Variants in ZNF536 observed in about 807,000 individuals in gnomAD.
ZNF536 encodes the protein zinc finger protein 536.
A neutral mutation model predicts 84.5 loss-of-function variants in ZNF536; 13 were observed. The observed-to-expected ratio is 0.15, with a 90% CI of 0.10 to 0.24. The LOEUF is 0.24. Ranked by LOEUF, ZNF536 falls within the 10% of genes least tolerant of loss-of-function variation. The probability of loss-of-function intolerance (pLI) is 1.00; values close to 1 mark genes in which losing one functional copy is unlikely to be tolerated. For missense variants in ZNF536, 1,536 were observed against 1,747.5 expected (o/e 0.88, Z 2.16); for synonymous variants, 811 against 742.5 (o/e 1.09, Z -1.50).
At chr19:30,655,577 AGACATGG>A (rs2049878211) in intron 1 of ZNF536, among the ~76,000 whole-genome samples, 1 of 152,180 alleles carries the variant, frequency 6.6e-6, no homozygotes, top group Admixed American at 6.5e-5. Flanking sequence ...TTGCTACCCA[AGACATGG>A]GTGGGAAGGG....
intron 1 of ZNF536, among the ~76,000 whole-genome samples, chr19:30,572,720 A>G (rs2046594589): frequency 6.6e-6 from 1 of 152,190 alleles, no homozygotes; most frequent in South Asian, 2.1e-4. Context: ...AGTTCGGCAT[A>G]GGATGAGTGA....
chr19:30,690,623 G>A (rs1454345637), intron 1 of ZNF536, among the ~76,000 whole-genome samples: 1 of 152,146 alleles, frequency 6.6e-6, no homozygotes, highest in African/African-American at 2.4e-5. Context: ...GGATCTTGGG[G>A]TTCTCTGGTG....
At chr19:30,698,332 C>G (rs1393557814) in intron 1 of ZNF536, among the ~76,000 whole-genome samples, 1 of 152,066 alleles carries the variant, frequency 6.6e-6, no homozygotes, top group East Asian at 1.9e-4. Context: ...ACAGAGAACT[C>G]TCATAGATTT....
rs2148241244 is a variant in ZNF536 at position 30,445,828 on chromosome 19, C to A, written c.2170+96C>A. On this transcript the variant is annotated intron_variant, in intron 2 of 4. Coordinates refer to ENST00000355537, the MANE Select transcript of ZNF536 (RefSeq NM_014717.3). The surrounding 1 kb of genome is among the most constrained non-coding windows in gnomAD (Gnocchi z 4.5). ...CCAGGCCTCCAGTCAGTTCCAAGGC[C>A]AGTGGGTCTTGATTGAGGACAGGGG... 1 of 1,465,082 alleles carries A rather than the reference C, an allele frequency of 6.8e-7. No homozygotes were observed. The highest frequency in any genetic ancestry group is 9.1e-7 in the Non-Finnish European group (1 of 1,103,486). The allele number at this position is 1,465,082 out of a possible 1,614,324, so 90.8% of individuals were successfully genotyped here.
intron 1 of ZNF536, among the ~76,000 whole-genome samples, chr19:30,409,440 T>A (rs1292973274): frequency 6.6e-6 from 1 of 152,152 alleles, no homozygotes; most frequent in Admixed American, 6.5e-5. Context: ...TCCTTCCGAA[T>A]CCCTGGCCCC....
chr19:30,510,038 G>T (rs927107834), intron 2 of ZNF536, among the ~76,000 whole-genome samples: 1 of 152,170 alleles, frequency 6.6e-6, no homozygotes, highest in African/African-American at 2.4e-5. Flanking sequence ...ATATTGTGGG[G>T]GGAAATTAGA....
rs2146193484 is a variant in ZNF536 at position 30,548,276 on chromosome 19, A to G, written c.2657A>G (p.Lys886Arg). 1.2e-6 allele frequency: 2 copies of G among 1,614,212 alleles called. No homozygotes were observed. The highest frequency in any genetic ancestry group is 1.7e-6 in the Non-Finnish European group (2 of 1,180,052). The change falls in exon 4 of 5, where the codon AAA (lysine) becomes AGA (arginine). Residue 886 changes from lysine (K) to arginine (R), a missense_variant. Transcript: ENST00000355537. ...TCGGAGGTCCCCTCAGATGCTCTGA[A>G]AGGCACTGACCTTCCTTCCAAAAGC... ...MSSEVPSDAL[K>R]GTDLPSKSTH...
intron 1 of ZNF536, among the ~76,000 whole-genome samples, chr19:30,658,695 T>C (rs2050009974): frequency 6.6e-6 from 1 of 152,212 alleles, no homozygotes; most frequent in Admixed American, 6.5e-5. Flanking sequence ...TTAAAAATTA[T>C]GTGTGTTTGA....
At chr19:30,511,779 G>A (rs899283774) in intron 2 of ZNF536, among the ~76,000 whole-genome samples, 1 of 152,144 alleles carries the variant, frequency 6.6e-6, no homozygotes, top group Non-Finnish European at 1.5e-5. Context: ...AGCTTACATG[G>A]GTGGGGTAAA....
rs199649865 is a variant in ZNF536 at position 30,535,019 on chromosome 19, C to G, written c.2323+20C>G. The G allele has an allele frequency of 2.5e-6, 4 of 1,601,140 alleles. No homozygotes were observed. Among genetic ancestry groups the G allele is most frequent in the Admixed American group, 1.7e-5 (1 of 58,770 alleles). ...ACACAGGTGAGAAGTCTGAGTGCAT[C>G]CAGGGGCACAGCCCAGAGAAGGAGG... On this transcript the variant is annotated intron_variant, in intron 3 of 4. Transcript: ENST00000355537.
chr19:30,462,250 G>A (rs1184171060), intron 2 of ZNF536, among the ~76,000 whole-genome samples: 1 of 152,146 alleles, frequency 6.6e-6, no homozygotes, highest in Non-Finnish European at 1.5e-5. Flanking sequence ...TGAGTCTGCT[G>A]TGATGGATGG....
At chr19:30,586,797 C>T (rs2047111579) in intron 1 of ZNF536, among the ~76,000 whole-genome samples, 1 of 152,166 alleles carries the variant, frequency 6.6e-6, no homozygotes, top group African/African-American at 2.4e-5. Flanking sequence ...CACTTGTCAA[C>T]ATTATGTAAT....
At chr19:30,315,835 T>A (rs556856925) in intron 2 of ZNF536, among the ~76,000 whole-genome samples, 43 of 152,292 alleles carry the variant, frequency 2.8e-4, no homozygotes, top group Admixed American at 1.8e-3. Context: ...TGCATATGTA[T>A]TTTACATAAA....
intron 1 of ZNF536, among the ~76,000 whole-genome samples, chr19:30,659,973 G>A (rs1387522909): frequency 6.6e-6 from 1 of 151,750 alleles, no homozygotes; most frequent in African/African-American, 2.4e-5. Flanking sequence ...GTGTGTGTGT[G>A]TGTGTGTGTT....
intron 1 of ZNF536, among the ~76,000 whole-genome samples, chr19:30,605,151 G>C (rs1415633868): frequency 9.2e-5 from 14 of 152,158 alleles, no homozygotes; most frequent in Admixed American, 9.2e-4. Context: ...AGGTAATAGT[G>C]GATGGTGCGA....
chr19:30,264,966 TGA>T lies in ZNF536; in HGVS notation c.-189-19091_-189-19090del, dbSNP rs142750589. 2.5e-4 allele frequency among the ~76,000 whole-genome samples: 33 copies of T among 133,854 alleles called. No homozygotes were observed. The South Asian group carries it at 2.9e-3, about 12-fold the overall frequency. 87.8% of individuals were successfully genotyped at this position (133,854 alleles called of 152,430 possible). A position where few individuals can be genotyped will look rare whatever the true frequency, so the allele number is the denominator to read the frequency against. ...GTGTGTGTGTGTGTGTGTGTGTGTG[TGA>T]GAGAGAGAGAGAGAAAGAGAGATTC... is the stretch of plus-strand genomic sequence containing the variant. On this transcript the variant is annotated intron_variant, in intron 1 of 5. Transcript: ENST00000585628.
downstream of ZNF536, among the ~76,000 whole-genome samples, chr19:30,561,470 T>A (rs10418991): frequency 2.6e-3 from 401 of 152,166 alleles, 1 homozygote; most frequent in African/African-American, 8.7e-3. Flanking sequence ...CCTAGTTGGG[T>A]CTCCCTAGAG....
At chr19:30,692,541 G>A (rs181559981) in intron 1 of ZNF536, among the ~76,000 whole-genome samples, 1 of 152,338 alleles carries the variant, frequency 6.6e-6, no homozygotes, top group African/African-American at 2.4e-5. Flanking sequence ...TTTAAGGGGG[G>A]AAATCTCAAA....
chr19:30,413,012 A>C (rs548635266), intron 1 of ZNF536, among the ~76,000 whole-genome samples: 2 of 150,012 alleles, frequency 1.3e-5, no homozygotes, highest in Non-Finnish European at 3.0e-5. Context: ...TAATGGTATA[A>C]AGTTGTTCTG....
Sources: allele counts gnomAD v4.1 joint callset (sites outside exome capture counted in the v4.1 genomes callset), GRCh38; gene constraint gnomAD v4.1.1; non-coding constraint Gnocchi (gnomAD v3.1); transcripts MANE v1.5; gene names NCBI Gene and HGNC (gene_info 2026-07-23, HGNC 2026-07-21).